PCDHA1: variants seen among roughly 807,000 people sequenced by gnomAD.
The protein encoded by PCDHA1 is protocadherin alpha 1.
PCDHA1 carries 42 observed loss-of-function variants against 61.3 expected under a neutral mutation model. The ratio of observed to expected loss-of-function variants is 0.69; its 90% CI spans 0.54 to 0.89. The LOEUF is 0.89. PCDHA1 is among the 40% of genes least tolerant of loss of function. The pLI is 0.00. For missense variants in PCDHA1, 1,256 were observed against 1,235.3 expected (o/e 1.02, Z -0.25); for synonymous variants, 610 against 553.8 (o/e 1.10, Z -1.43).
At chr5:140,836,527 T>C (rs2150262895) in intron 1 of PCDHA1, 29 of 1,613,850 alleles carry the variant, frequency 1.8e-5, no homozygotes, top group Non-Finnish European at 2.5e-5. Context: ...GTGCTTACCC[T>C]GCTGCTGTAC....
In PCDHA1 at chr5:140,796,908, C is replaced by T. The variant is rs140366950; in HGVS notation, c.2394+8224C>T. The T allele has an allele frequency of 1.2e-5, 19 of 1,613,920 alleles. No individual in the cohort carries two copies. The African/African-American group carries it at 1.9e-4, about 16-fold the overall frequency. On this transcript the variant is annotated intron_variant, in intron 1 of 3. Coordinates refer to ENST00000504120, the MANE Select transcript of PCDHA1 (RefSeq NM_018900.4). ...CTGACTCCCCTCGACACCGCCTACT[C>T]GTGCTGGTGAAGGACCACGGCGAAC...
intron 1 of PCDHA1, chr5:140,809,488 C>T: frequency 1.2e-6 from 2 of 1,614,218 alleles, no homozygotes; most frequent in Middle Eastern, 1.6e-4. Flanking sequence ...CACCCAAGAC[C>T]GACCTCATGG....
At chr5:140,801,831 A>G in intron 1 of PCDHA1, 2 of 1,614,158 alleles carry the variant, frequency 1.2e-6, no homozygotes, top group Non-Finnish European at 1.7e-6. Context: ...TTATTTACTA[A>G]TAACAGCAAT....
chr5:140,923,242 C>T (rs1302368115), intron 1 of PCDHA1, among the ~76,000 whole-genome samples: 1 of 151,762 alleles, frequency 6.6e-6, no homozygotes, highest in Non-Finnish European at 1.5e-5. Flanking sequence ...AAGTTTGAGA[C>T]CAGCTGGGCA....
At chr5:140,843,222 C>G in intron 1 of PCDHA1, 1 of 1,596,168 alleles carries the variant, frequency 6.3e-7, no homozygotes, top group Non-Finnish European at 8.6e-7. Flanking sequence ...ATCAGCACCA[C>G]TCGTGTCCTG....
chr5:140,791,590 T>C (rs1261957972), intron 1 of PCDHA1, among the ~76,000 whole-genome samples: 5 of 151,950 alleles, frequency 3.3e-5, no homozygotes, highest in Non-Finnish European at 5.9e-5. Context: ...GGGCATTTTT[T>C]TTACAACAGG....
intron 1 of PCDHA1, chr5:140,851,957 G>A: frequency 1.0e-6 from 1 of 975,112 alleles, no homozygotes; most frequent in Non-Finnish European, 1.2e-6. Flanking sequence ...TCAAAATGGT[G>A]GTTTTCCACA....
chr5:140,882,335 GCCTGGGAGACGGGTAGTGGCCAGCT>G (rs1554173599), intron 1 of PCDHA1: 11 of 1,614,078 alleles, frequency 6.8e-6, no homozygotes, highest in Non-Finnish European at 9.3e-6. Flanking sequence ...GATCCTCGCA[GCCTGGGAGACGGGTAGTGGCCAGCT>G]CCACTACTCC....
chr5:140,902,756 C>A (rs1434955469), intron 1 of PCDHA1, among the ~76,000 whole-genome samples: 1 of 150,258 alleles, frequency 6.7e-6, no homozygotes, highest in Admixed American at 6.6e-5. Flanking sequence ...TTATATCATT[C>A]TTATGTCTTT....
Position 140,953,939 on chromosome 5 carries a change from A to G in PCDHA1, c.2395-25010A>G, listed in dbSNP as rs544318515. ...TATTCTTCCTGATGCTCTCCCTCCCATTGCTCCCCCAACAGGCCCCAGTGT... is the reference window on the plus strand; with the variant it reads ...TATTCTTCCTGATGCTCTCCCTCCCGTTGCTCCCCCAACAGGCCCCAGTGT... On this transcript the variant is annotated intron_variant, in intron 1 of 3. Coordinates refer to ENST00000504120, the MANE Select transcript of PCDHA1 (RefSeq NM_018900.4). Among the ~76,000 whole-genome samples the G allele has an allele frequency of 2.8e-3, 420 of 151,700 alleles. 4 individuals carry two copies. The highest frequency in any genetic ancestry group is 4.8e-3 in the Non-Finnish European group (324 of 67,900).
rs2150462015 is a variant in PCDHA1 at position 140,849,990 on chromosome 5, T to G, written c.2394+61306T>G. On this transcript the variant is annotated intron_variant, in intron 1 of 3. Coordinates refer to ENST00000504120, the MANE Select transcript of PCDHA1 (RefSeq NM_018900.4). ...GTCCTACTCGCTGGTGGAGCGGCGGTTGGGCGAGCGCTCGCTGTCGAGCTA... is the reference window on the plus strand; with the variant it reads ...GTCCTACTCGCTGGTGGAGCGGCGGGTGGGCGAGCGCTCGCTGTCGAGCTA... 9.1e-5 allele frequency: 145 copies of G among 1,596,718 alleles called. 14 individuals carry two copies. The highest frequency in any genetic ancestry group is 5.1e-4 in the Admixed American group (30 of 59,270).
rs1554148266 is a variant in PCDHA1 at position 140,856,152 on chromosome 5, A to C, written c.2394+67468A>C. On this transcript the variant is annotated intron_variant, in intron 1 of 3. Coordinates refer to ENST00000504120, the MANE Select transcript of PCDHA1 (RefSeq NM_018900.4). ...AGCGGCCAGCTCCACTACTCAGTCT[A>C]CGAGGAGGCCAGACACGGCACCTTC... The C allele has an allele frequency of 6.3e-6, 10 of 1,598,178 alleles. 1 individual carries two copies. Among genetic ancestry groups the C allele is most frequent in the Middle Eastern group, 1.7e-4 (1 of 5,990 alleles).
chr5:140,823,928 C>A (rs2150130436), intron 1 of PCDHA1: 1 of 1,613,972 alleles, frequency 6.2e-7, no homozygotes. Flanking sequence ...CTGCTGTACA[C>A]CGCGCTGCGG....
In PCDHA1 at chr5:140,830,371, C is replaced by T. The variant is rs142388736; in HGVS notation, c.2394+41687C>T. 3.7e-5 allele frequency: 60 copies of T among 1,614,002 alleles called. No individual in the cohort carries two copies. In the Middle Eastern group the frequency reaches 6.6e-4, roughly 18 times the overall value. ...AGCAGAGGCGGCAGAGGGTGTGCTC[C>T]GGGGAGGGCCCACCCAAGATGGATC... On this transcript the variant is annotated intron_variant, in intron 1 of 3. Transcript: ENST00000504120.
intron 1 of PCDHA1, among the ~76,000 whole-genome samples, chr5:140,792,774 T>C (rs1318911545): frequency 6.6e-6 from 1 of 152,228 alleles, no homozygotes; most frequent in East Asian, 1.9e-4. Flanking sequence ...ATGTTGGCTA[T>C]AGATTAAATA....
At chr5:140,833,089 G>A (rs1772288607) in intron 1 of PCDHA1, among the ~76,000 whole-genome samples, 1 of 152,162 alleles carries the variant, frequency 6.6e-6, no homozygotes, top group South Asian at 2.1e-4. Context: ...TTGAGTACTA[G>A]ACGAGTAATT....
At chr5:140,827,922 C>A in intron 1 of PCDHA1, 1 of 952,492 alleles carries the variant, frequency 1.0e-6, no homozygotes, top group Non-Finnish European at 1.6e-6. Context: ...TCGCTGTCTA[C>A]CATGAAGTTA....
rs1346870417 is a variant in PCDHA1 at position 140,982,634 on chromosome 5, TC to T, written c.2542+72del. 11 of 1,555,302 alleles carry T rather than the reference TC, an allele frequency of 7.1e-6. No homozygotes were observed. In the Admixed American group the frequency reaches 2.2e-4, roughly 30 times the overall value. ...GATCAGATGACCTACTTTTGTAAGATCAGGAATGTTGATGGCTCTTTTTCTT... is the reference window on the plus strand; with the variant it reads ...GATCAGATGACCTACTTTTGTAAGATAGGAATGTTGATGGCTCTTTTTCTT... On this transcript the variant is annotated intron_variant, in intron 3 of 3. Transcript: ENST00000504120.
At chr5:140,798,769 G>T (rs1419185149) in intron 1 of PCDHA1, among the ~76,000 whole-genome samples, 1 of 152,084 alleles carries the variant, frequency 6.6e-6, no homozygotes, top group Non-Finnish European at 1.5e-5. Context: ...CACTGAACTC[G>T]ACAAGTAAAT....
Sources: gnomAD v4.1 joint callset for allele counts (sites outside exome capture counted in the v4.1 genomes callset) on GRCh38, gnomAD v4.1.1 for gene constraint, MANE v1.5 for transcripts, NCBI Gene and HGNC (gene_info 2026-07-23, HGNC 2026-07-21) for gene names.